The following DFFB variants were observed in gnomAD, a reference collection of about 807,000 sequenced individuals.
DFFB encodes the protein DNA fragmentation factor subunit beta.
In DFFB, 29 loss-of-function variants were observed where a neutral mutation model predicts 32.7. The observed-to-expected ratio is 0.89, with a 90% CI of 0.66 to 1.21. DFFB has a LOEUF of 1.21. Ranked by LOEUF, DFFB falls within the 50% of genes most tolerant of loss-of-function variation. The pLI is 0.00. For missense variants in DFFB, 398 were observed against 440.6 expected, an observed-to-expected ratio of 0.90 and a Z score of 0.87; for synonymous variants, 170 against 177.1, an observed-to-expected ratio of 0.96 and a Z score of 0.32.
chr1:3,875,359 G>A (rs972088771), intron 6 of DFFB, among the ~76,000 whole-genome samples: 1 of 152,176 alleles, frequency 6.6e-6, no homozygotes, highest in African/African-American at 2.4e-5. Flanking sequence ...GGATTGGGGT[G>A]TGCGTCCCAG....
At chr1:3,867,764 G>A in intron 3 of DFFB, 1 of 556,798 alleles carries the variant, frequency 1.8e-6, no homozygotes, top group African/African-American at 1.9e-5. Flanking sequence ...GAGGCAGGAG[G>A]ATTCCCTGAG....
rs763876210 is a variant in DFFB at position 3,867,961 on chromosome 1, G to C, written c.431-13G>C. ...GCCCTGTGGACTTGGGGGTCTTCTCGTTTTCCTTGCAGGCTTGGAGTCCCG... is the reference window on the plus strand; with the variant it reads ...GCCCTGTGGACTTGGGGGTCTTCTCCTTTTCCTTGCAGGCTTGGAGTCCCG... On this transcript the variant is annotated splice_polypyrimidine_tract_variant and intron_variant, in intron 3 of 6. Coordinates refer to ENST00000378209, the MANE Select transcript of DFFB (RefSeq NM_004402.4). 7 of 1,613,896 alleles carry C rather than the reference G, an allele frequency of 4.3e-6. No homozygotes were observed. Among genetic ancestry groups the C allele is most frequent in the African/African-American group, 1.3e-5 (1 of 74,906 alleles).
chr1:3,871,185 C>T (rs6670527), intron 5 of DFFB, among the ~76,000 whole-genome samples: 4 of 152,070 alleles, frequency 2.6e-5, no homozygotes, highest in Admixed American at 6.5e-5. Context: ...TGTGATCACA[C>T]GGGTAACAGT....
intron 5 of DFFB, among the ~76,000 whole-genome samples, chr1:3,871,520 C>T (rs1645112167): frequency 1.3e-5 from 2 of 152,174 alleles, no homozygotes; most frequent in African/African-American, 4.8e-5. Flanking sequence ...CTCCTGACCT[C>T]AGGTGATCCA....
rs1369826044 is a variant in DFFB, at chr1:3,884,028, C to A, written c.*287C>A. The A allele has an allele frequency of 2.6e-6, 1 of 388,020 alleles. No individual in the cohort carries two copies. The highest frequency in any genetic ancestry group is 5.2e-5 in the East Asian group (1 of 19,054). The allele number at this position is 388,020 out of a possible 1,614,324, so 24.0% of individuals were successfully genotyped here. A position where few individuals can be genotyped will look rare whatever the true frequency, so the allele number is the denominator to read the frequency against. On this transcript the variant is annotated 3_prime_UTR_variant, in exon 7 of 7. Transcript: ENST00000378209. ...CCTCCCGAGTAGCTGGGATTACAGG[C>A]ATGTGCCACCACGCCCGGCTAATGT...
At chr1:3,861,047 A>G (rs11800725) in intron 2 of DFFB, among the ~76,000 whole-genome samples, 132,288 of 151,780 alleles carry the variant, frequency 0.87, 58,433 homozygotes, top group Middle Eastern at 0.95. Flanking sequence ...CTCGCTACTC[A>G]GGAGGCTGAG....
chr1:3,863,552 C>T (rs116590486), intron 2 of DFFB, among the ~76,000 whole-genome samples: 2,026 of 152,294 alleles, frequency 0.013, 33 homozygotes, highest in South Asian at 0.071. Context: ...CACCAAAACT[C>T]GTCCGTGAGC....
chr1:3,867,132 G>T (rs1024402397), intron 3 of DFFB, among the ~76,000 whole-genome samples: 1 of 152,104 alleles, frequency 6.6e-6, no homozygotes, highest in Non-Finnish European at 1.5e-5. Context: ...TCCTGACCTC[G>T]TGATCCGCCC....
In DFFB at chr1:3,883,979, T is replaced by G. The variant is rs1638272810; in HGVS notation, c.*238T>G. 3.9e-6 allele frequency: 2 copies of G among 507,220 alleles called. No individual in the cohort carries two copies. The highest frequency in any genetic ancestry group is 4.6e-5 in the South Asian group (2 of 43,508). The allele number at this position is 507,220 out of a possible 1,614,324, so 31.4% of individuals were successfully genotyped here. A position where few individuals can be genotyped will look rare whatever the true frequency, so the allele number is the denominator to read the frequency against. On this transcript the variant is annotated 3_prime_UTR_variant, in exon 7 of 7. Coordinates refer to ENST00000378209, the MANE Select transcript of DFFB (RefSeq NM_004402.4). Reference sequence around the variant, plus strand: ...TTCACTTTTGTTGCCCAGGCTGGAGTGTAGTGGCGCGATCTCGGCTCAGCC... The same window carrying G: ...TTCACTTTTGTTGCCCAGGCTGGAGGGTAGTGGCGCGATCTCGGCTCAGCC...
intron 2 of DFFB, among the ~76,000 whole-genome samples, chr1:3,864,516 C>T (rs1234714034): frequency 6.6e-6 from 1 of 151,956 alleles, no homozygotes; most frequent in Non-Finnish European, 1.5e-5. Flanking sequence ...GCTAACAATG[C>T]TGACTATCTG....
chr1:3,878,065 T>G (rs2124764382), intron 6 of DFFB, among the ~76,000 whole-genome samples: 1 of 152,278 alleles, frequency 6.6e-6, no homozygotes, highest in Middle Eastern at 3.4e-3. Context: ...TCCTAGAATG[T>G]GACTCTGTGG....
At chr1:3,868,608 TACCAG>T (rs1439302135) in intron 4 of DFFB, among the ~76,000 whole-genome samples, 10 of 3,132 alleles carry the variant, frequency 3.2e-3, no homozygotes, top group Non-Finnish European at 5.4e-3. Flanking sequence ...TACCACACCA[TACCAG>T]ACCACACCAC....
In DFFB at chr1:3,866,158, C is replaced by T. The variant is rs1337225342; in HGVS notation, c.430+158C>T. On this transcript the variant is annotated intron_variant, in intron 3 of 6. Coordinates refer to ENST00000378209, the MANE Select transcript of DFFB (RefSeq NM_004402.4). ...AAAATGTGCTCATTTCCCAGCATTT[C>T]CCAGCCTCGTGGGAAAGGTACCCAG... 9.7e-6 allele frequency: 7 copies of T among 724,252 alleles called. No homozygotes were observed. In the East Asian group the frequency reaches 1.1e-4, roughly 11 times the overall value. The allele number at this position is 724,252 out of a possible 1,614,324, so 44.9% of individuals were successfully genotyped here. A position where few individuals can be genotyped will look rare whatever the true frequency, so the allele number is the denominator to read the frequency against.
chr1:3,860,353 A>G, intron 2 of DFFB: 1 of 336,990 alleles, frequency 3.0e-6, no homozygotes, highest in East Asian at 9.3e-5. Flanking sequence ...CAGCCTCCCA[A>G]GTATCTGGGA....
rs779628227 is a variant in DFFB, at chr1:3,865,800, C to A, written c.242-12C>A. The A allele has an allele frequency of 2.5e-6, 4 of 1,614,082 alleles. No individual in the cohort carries two copies. Among genetic ancestry groups the A allele is most frequent in the Non-Finnish European group, 3.4e-6 (4 of 1,180,030 alleles). On this transcript the variant is annotated splice_polypyrimidine_tract_variant and intron_variant, in intron 2 of 6. Coordinates refer to ENST00000378209, the MANE Select transcript of DFFB (RefSeq NM_004402.4). The surrounding 1 kb of genome is among the most constrained non-coding windows in gnomAD (Gnocchi z 4.7). ...CTGGACCGGCACCTTTTGTTTGTCC[C>A]ATTGGTGGCAGATGTGAGCGACATC... is the stretch of plus-strand genomic sequence containing the variant.
chr1:3,868,700 C>T (rs1324060984), intron 4 of DFFB, among the ~76,000 whole-genome samples: 2 of 152,250 alleles, frequency 1.3e-5, no homozygotes, highest in East Asian at 1.9e-4. Context: ...CCAGGCCACA[C>T]CACACCAGGC....
At chr1:3,866,107 G>C (rs373685537) in intron 3 of DFFB, 107 bp downstream of exon 3, 5 of 887,684 alleles carry the variant, frequency 5.6e-6, no homozygotes, top group Non-Finnish European at 8.6e-6. Context: ...CTGTACCCTC[G>C]TGGGTTGAGG....
chr1:3,872,332 C>T (rs1457787224), intron 5 of DFFB, 140 bp from the exon 6 acceptor site: 1 of 618,114 alleles, frequency 1.6e-6, no homozygotes, highest in Non-Finnish European at 2.8e-6. Context: ...AGAATCGCTT[C>T]AACACGGGAG....
chr1:3,859,032 C>G, intron 2 of DFFB, among the ~76,000 whole-genome samples, 188 bp downstream of exon 2: 1 of 152,186 alleles, frequency 6.6e-6, no homozygotes, highest in East Asian at 1.9e-4. Context: ...TCAGTCCTCT[C>G]GTTCATGAAC....
Sources: gnomAD v4.1 joint callset for allele counts (sites outside exome capture counted in the v4.1 genomes callset) on GRCh38, gnomAD v4.1.1 for gene constraint, Gnocchi (gnomAD v3.1) non-coding constraint, MANE v1.5 for transcripts, NCBI Gene and HGNC (gene_info 2026-07-23, HGNC 2026-07-21) for gene names.